Variants in CEP295 observed in about 807,000 individuals in gnomAD.
CEP295 encodes centrosomal protein 295.
Under a neutral mutation model 291.6 loss-of-function variants are expected in CEP295, and 190 were observed. That is an observed-to-expected ratio of 0.65 (90% CI 0.58 to 0.73). CEP295 has a LOEUF of 0.73. Ranked by LOEUF, CEP295 falls within the 30% of genes least tolerant of loss-of-function variation. The pLI, the probability that CEP295 is intolerant of heterozygous loss-of-function variation, is 0.00. For synonymous variants in CEP295, 993 were observed against 1,038.8 expected (o/e 0.96, Z 0.85); for missense variants, 2,863 against 2,949.4 (o/e 0.97, Z 0.68).
At chr11:93,684,213 T>G in intron 9 of CEP295, 85 bp downstream of exon 9, 1 of 1,209,898 alleles carries the variant, frequency 8.3e-7, no homozygotes, top group Non-Finnish European at 1.2e-6. Flanking sequence ...GAAAATCTGG[T>G]CTGATATAAG....
intron 24 of CEP295, chr11:93,728,380 A>G (rs1371576356): frequency 1.4e-5 from 3 of 214,700 alleles, no homozygotes; most frequent in East Asian, 1.1e-4. Context: ...ACCTGCATTT[A>G]TATTTTTTGC....
intron 5 of CEP295, among the ~76,000 whole-genome samples, chr11:93,673,285 A>T (rs994874290): frequency 6.6e-6 from 1 of 152,070 alleles, no homozygotes; most frequent in Non-Finnish European, 1.5e-5. Flanking sequence ...CCCTGTCTCA[A>T]ATATATATAT....
In CEP295 at chr11:93,698,312, G is replaced by A. The variant is rs1169474449; in HGVS notation, c.3400G>A (p.Val1134Ile). Reference sequence around the variant, plus strand: ...GCTTTATTTATCTGAGAAGGAGAATGTAGGTCCCTCCTGTCATTTGATAAT... The same window carrying A: ...GCTTTATTTATCTGAGAAGGAGAATATAGGTCCCTCCTGTCATTTGATAAT... ...QELYLSEKEN[V>I]GPSCHLIIPT... Residue 1134 changes from valine (V) to isoleucine (I), a missense_variant, in exon 15 of 30, where the codon GTA becomes ATA. Val to Ile is a conservative substitution (Grantham distance 29, BLOSUM62 3). This residue lies in a region of CEP295 where 2,295 missense variants were observed against 2,335.7 expected (regional missense o/e 0.98). Transcript: ENST00000325212. The A allele has an allele frequency of 1.9e-6, 3 of 1,551,928 alleles. No homozygotes were observed. The highest frequency in any genetic ancestry group is 2.6e-6 in the Non-Finnish European group (3 of 1,147,020).
chr11:93,677,588 T>C (rs991323355), intron 6 of CEP295, among the ~76,000 whole-genome samples: 6 of 152,180 alleles, frequency 3.9e-5, no homozygotes, highest in Admixed American at 6.5e-5. Flanking sequence ...TACATATTCA[T>C]GGGCTTCATC....
In CEP295 at chr11:93,683,739, A is replaced by C. The variant is rs1951086387; in HGVS notation, c.946A>C (p.Arg316=). The C allele has an allele frequency of 6.5e-7, 1 of 1,533,518 alleles. No homozygotes were observed. Among genetic ancestry groups the C allele is most frequent in the Non-Finnish European group, 8.8e-7 (1 of 1,142,764 alleles). 95.0% of individuals were successfully genotyped at this position (1,533,518 alleles called of 1,614,324 possible). ...FAFEDMYNAD[R]KVKGNLILHL... ...CTTTGAAGATATGTACAATGCAGAC[A>C]GGAGTAAGATATTTTCAGTAGGGCT... Residue 316 remains arginine, a synonymous_variant, in exon 8 of 30, where the codon AGG becomes CGG. Transcript: ENST00000325212.
At chr11:93,693,697 A>G (rs980214388) in intron 12 of CEP295, among the ~76,000 whole-genome samples, 6 of 152,216 alleles carry the variant, frequency 3.9e-5, no homozygotes, top group African/African-American at 1.4e-4. Flanking sequence ...TGGAGGTTGC[A>G]GTCAGCCAAG....
Position 93,725,868 on chromosome 11 carries a change from A to G in CEP295, c.6499+37A>G, listed in dbSNP as rs1182672442. 5 of 1,515,762 alleles carry G rather than the reference A, an allele frequency of 3.3e-6. No individual in the cohort carries two copies. The Admixed American group carries it at 6.0e-5, about 18-fold the overall frequency. The allele number at this position is 1,515,762 out of a possible 1,614,324, so 93.9% of individuals were successfully genotyped here. A position where few individuals can be genotyped will look rare whatever the true frequency, so the allele number is the denominator to read the frequency against. ...TAAGTTAGAAAAAGTTAATTTTTCC[A>G]TGATTTTTTACATCCATTTCCTTAG... On this transcript the variant is annotated intron_variant, in intron 23 of 29. Coordinates refer to ENST00000325212, the MANE Select transcript of CEP295 (RefSeq NM_033395.2).
chr11:93,723,972 T>G (rs1017855705), intron 21 of CEP295: 6 of 175,376 alleles, frequency 3.4e-5, no homozygotes, highest in Middle Eastern at 2.5e-3. Context: ...AAAAAAAATT[T>G]TTTAAATTTA....
chr11:93,675,395 TTTATTAA>T (rs1211388392), intron 5 of CEP295, among the ~76,000 whole-genome samples, 169 bp from the exon 6 acceptor site: 3 of 152,126 alleles, frequency 2.0e-5, no homozygotes, highest in Admixed American at 1.3e-4. Context: ...ATCTGGTACT[TTTATTAA>T]AATTTGAAGT....
In CEP295 at chr11:93,727,134, C is replaced by T; in HGVS notation, c.6658C>T (p.Gln2220Ter). 6.5e-7 allele frequency: 1 copy of T among 1,550,172 alleles called. No individual in the cohort carries two copies. Among genetic ancestry groups the T allele is most frequent in the South Asian group, 1.2e-5 (1 of 83,678 alleles). ...CTCTGAAGAACATACTGAAATATTACAAAACAAGAAAAAAATTGTTCATTT... is the reference window on the plus strand; with the variant it reads ...CTCTGAAGAACATACTGAAATATTATAAAACAAGAAAAAAATTGTTCATTT... ...YPSEEHTEIL[Q>*]NKKKIVHFQL... The change falls in exon 24 of 30, where the codon CAA (glutamine) becomes TAA (stop). Residue 2220 changes from glutamine to a stop codon, truncating the protein, a stop_gained. Transcript: ENST00000325212. LOFTEE classifies it high-confidence loss of function.
intron 17 of CEP295, among the ~76,000 whole-genome samples, chr11:93,705,649 G>C (rs1016030631): frequency 6.6e-6 from 1 of 152,112 alleles, no homozygotes; most frequent in Non-Finnish European, 1.5e-5. Context: ...ATTTACAGTG[G>C]ATTTTTTGGT....
In CEP295 at chr11:93,729,975, G is replaced by A. The variant is rs1938190202; in HGVS notation, c.7667+6G>A. 6.8e-7 allele frequency: 1 copy of A among 1,473,170 alleles called. No homozygotes were observed. The highest frequency in any genetic ancestry group is 9.1e-7 in the Non-Finnish European group (1 of 1,101,298). The allele number at this position is 1,473,170 out of a possible 1,614,324, so 91.3% of individuals were successfully genotyped here. A position where few individuals can be genotyped will look rare whatever the true frequency, so the allele number is the denominator to read the frequency against. On this transcript the variant is annotated splice_donor_region_variant and intron_variant, in intron 28 of 29. Transcript: ENST00000325212. ...AGGCACCAAAGGGGTCTAAGGTAGG[G>A]TTAATTTTTTTTTTTTTTTTAGTGA...
At position 93,722,562 on chromosome 11, in the gene CEP295, C is replaced by A. The variant is rs1375597908; in HGVS notation, c.5948-479C>A. 7 of 160,126 alleles carry A rather than the reference C, an allele frequency of 4.4e-5. No homozygotes were observed. The South Asian group carries it at 7.2e-4, about 17-fold the overall frequency. The allele number at this position is 160,126 out of a possible 1,614,324, so 9.9% of individuals were successfully genotyped here. A position where few individuals can be genotyped will look rare whatever the true frequency, so the allele number is the denominator to read the frequency against. On this transcript the variant is annotated intron_variant, in intron 20 of 29. Coordinates refer to ENST00000325212, the MANE Select transcript of CEP295 (RefSeq NM_033395.2). Reference sequence around the variant, plus strand: ...ACAGGGATGCTCTGTAGATCCCCAACAATACTTTTGAGAAGCAGTTGCTGA... The same window carrying A: ...ACAGGGATGCTCTGTAGATCCCCAAAAATACTTTTGAGAAGCAGTTGCTGA...
chr11:93,714,678 C>T (rs1474104333), intron 18 of CEP295, among the ~76,000 whole-genome samples: 1 of 152,200 alleles, frequency 6.6e-6, no homozygotes, highest in East Asian at 1.9e-4. Context: ...GCAGCCATGT[C>T]TTCATTAGGG....
chr11:93,679,077 A>C (rs1296460530), intron 6 of CEP295, among the ~76,000 whole-genome samples: 2 of 152,156 alleles, frequency 1.3e-5, no homozygotes, highest in African/African-American at 4.8e-5. Context: ...GGCTGACCTC[A>C]GGTGATCCAC....
intron 2 of CEP295, 91 bp from the exon 3 acceptor site, chr11:93,667,516 G>A (rs1402265492): frequency 1.2e-6 from 1 of 851,152 alleles, no homozygotes; most frequent in Non-Finnish European, 1.8e-6. Context: ...AGACTTAAGA[G>A]AATTCATTTG....
chr11:93,662,625 A>G (rs1190059912), intron 1 of CEP295, among the ~76,000 whole-genome samples: 2 of 152,246 alleles, frequency 1.3e-5, no homozygotes, highest in African/African-American at 4.8e-5. Flanking sequence ...GCAGCAGGGA[A>G]AACTTCCTTA....
At chr11:93,709,176 T>G (rs1952725010) in intron 18 of CEP295, among the ~76,000 whole-genome samples, 1 of 152,246 alleles carries the variant, frequency 6.6e-6, no homozygotes, top group Admixed American at 6.5e-5. Context: ...CATTTTTGCT[T>G]TGGTTTCCTG....
intron 18 of CEP295, among the ~76,000 whole-genome samples, chr11:93,716,352 G>C (rs1312002285): frequency 6.6e-6 from 1 of 152,208 alleles, no homozygotes; most frequent in African/African-American, 2.4e-5. Flanking sequence ...CCACTGCCTG[G>C]AGATGAGGGA....
Sources: gnomAD v4.1 joint callset for allele counts (sites outside exome capture counted in the v4.1 genomes callset) on GRCh38, gnomAD v4.1.1 for gene constraint, gnomAD v4.1.1 regional missense constraint, MANE v1.5 for transcripts, NCBI Gene and HGNC (gene_info 2026-07-23, HGNC 2026-07-21) for gene names.